Variants in CDC34 observed in about 807,000 individuals in gnomAD.
CDC34 encodes the protein ubiquitin-conjugating enzyme E2 R1.
A neutral mutation model predicts 26.8 loss-of-function variants in CDC34; 18 were observed. That is an observed-to-expected ratio of 0.67 (90% CI 0.47 to 1.00). CDC34 has a LOEUF of 1.00. CDC34 is among the 50% of genes least tolerant of loss of function. The pLI, the probability that CDC34 is intolerant of heterozygous loss-of-function variation, is 0.00. For missense variants in CDC34, 280 were observed against 334.5 expected, an observed-to-expected ratio of 0.84 and a Z score of 1.27; for synonymous variants, 178 against 147.5, an observed-to-expected ratio of 1.21 and a Z score of -1.50.
intron 4 of CDC34, among the ~76,000 whole-genome samples, chr19:539,902 C>A (rs565181219): frequency 3.9e-5 from 6 of 152,258 alleles, no homozygotes; most frequent in Admixed American, 2.6e-4. Context: ...CGGGTGTACA[C>A]GGTGCCCTCC....
At chr19:535,952 C>T (rs773463608) in intron 2 of CDC34, 29 bp downstream of exon 2, 2 of 1,592,732 alleles carry the variant, frequency 1.3e-6, no homozygotes, top group East Asian at 2.2e-5. Context: ...GGCCTCAAGT[C>T]CTCATCCTCC....
At chr19:541,116 C>T (rs1052772951) in intron 4 of CDC34, 5 of 558,678 alleles carry the variant, frequency 8.9e-6, no homozygotes, top group African/African-American at 3.8e-5. Flanking sequence ...GCACTGCGCC[C>T]GTCCAGCCTC....
chr19:535,988 C>G (rs931674903), intron 2 of CDC34, 65 bp downstream of exon 2: 1 of 1,453,910 alleles, frequency 6.9e-7, no homozygotes. Flanking sequence ...GGGAGCCTCA[C>G]GTCCTCATCC....
chr19:532,245 C>T, intron 1 of CDC34, 137 bp downstream of exon 1: 1 of 607,260 alleles, frequency 1.6e-6, no homozygotes, highest in Non-Finnish European at 2.6e-6. Context: ...CGTTTCCCTT[C>T]TATGGCCACG....
intron 1 of CDC34, among the ~76,000 whole-genome samples, chr19:532,503 G>C (rs2145844368): frequency 6.6e-6 from 1 of 152,314 alleles, no homozygotes; most frequent in East Asian, 1.9e-4. Context: ...GAAAGAGGGA[G>C]CGGAGCCCAG....
At chr19:536,795 A>C in intron 3 of CDC34, 1 of 597,744 alleles carries the variant, frequency 1.7e-6, no homozygotes. Flanking sequence ...AGGGGTCTGC[A>C]CCTTGCTGCC....
At chr19:538,511 G>GT (rs1979864887) in intron 4 of CDC34, among the ~76,000 whole-genome samples, 1 of 146,196 alleles carries the variant, frequency 6.8e-6, no homozygotes, top group South Asian at 2.2e-4. Context: ...TGCTCTTCCT[G>GT]TTACATAGAG....
intron 1 of CDC34, among the ~76,000 whole-genome samples, chr19:535,574 C>T (rs1187139200): frequency 1.3e-5 from 2 of 152,232 alleles, no homozygotes; most frequent in East Asian, 3.9e-4. Flanking sequence ...CCACGTTCCC[C>T]AGCAGTTGTG....
At chr19:537,240 G>A in intron 4 of CDC34, 93 bp downstream of exon 4, 1 of 1,459,012 alleles carries the variant, frequency 6.9e-7, no homozygotes, top group Non-Finnish European at 9.4e-7. Flanking sequence ...CCACCTTCCT[G>A]GTGAGGGTGG....
chr19:535,881 C>A lies in CDC34; in HGVS notation c.222C>A (p.Ala74=). ...TCGACTACCCATACTCTCCACCAGC[C>A]TTTCGGTTCCTGACCAAGATGTGGC... The part of the protein sequence containing the change: ...FPIDYPYSPP[A]FRFLTKMWHP... Residue 74 remains alanine (A), a synonymous_variant, in exon 2 of 5, where the codon GCC becomes GCA. Coordinates refer to ENST00000215574, the MANE Select transcript of CDC34 (RefSeq NM_004359.2). 6.2e-7 allele frequency: 1 copy of A among 1,614,006 alleles called. No homozygotes were observed. Among genetic ancestry groups the A allele is most frequent in the East Asian group, 2.2e-5 (1 of 44,880 alleles).
rs1979920436 is a variant in CDC34 at position 539,618 on chromosome 19, A to T, written c.498-1721A>T. Among the ~76,000 whole-genome samples, 3 of 151,934 alleles carry T rather than the reference A, an allele frequency of 2.0e-5. 1 individual carries two copies. The South Asian group carries it at 6.2e-4, about 32-fold the overall frequency. On this transcript the variant is annotated intron_variant, in intron 4 of 4. Coordinates refer to ENST00000215574, the MANE Select transcript of CDC34 (RefSeq NM_004359.2). ...CTCCCTGGTGCCCTCCCATGCGGGC[A>T]CTGTGGGACCCGCACACCCTGGTAG...
intron 4 of CDC34, chr19:538,900 T>C: frequency 1.0e-6 from 1 of 985,244 alleles, no homozygotes; most frequent in Middle Eastern, 5.2e-4. Context: ...ATGTCCTCGG[T>C]GGCCCCGGTC....
chr19:537,642 G>A (rs1164182717), intron 4 of CDC34, among the ~76,000 whole-genome samples: 6 of 133,158 alleles, frequency 4.5e-5, no homozygotes, highest in South Asian at 2.4e-4. Context: ...GTGAGCCACC[G>A]CGGCCGGCCT....
chr19:531,854 C>T lies in CDC34; in HGVS notation c.-78C>T, dbSNP rs1979501264. The T allele has an allele frequency of 1.6e-5, 15 of 950,420 alleles. No homozygotes were observed. The highest frequency in any genetic ancestry group is 1.9e-5 in the Non-Finnish European group (14 of 750,230). The allele number at this position is 950,420 out of a possible 1,614,324, so 58.9% of individuals were successfully genotyped here. Reference sequence around the variant, plus strand: ...CGGTGGCTCCCCCCCGGACGGTGCGCGGCCCGGCCCGTCTCGCGAACTCGC... The same window carrying T: ...CGGTGGCTCCCCCCCGGACGGTGCGTGGCCCGGCCCGTCTCGCGAACTCGC... On this transcript the variant is annotated 5_prime_UTR_variant, in exon 1 of 5. Coordinates refer to ENST00000215574, the MANE Select transcript of CDC34 (RefSeq NM_004359.2).
At chr19:536,911 C>T in intron 3 of CDC34, 102 bp from the exon 4 acceptor site, 1 of 1,379,806 alleles carries the variant, frequency 7.2e-7, no homozygotes. Context: ...TGAAGGTCAC[C>T]TGCTGGGTGG....
At chr19:532,216 A>G in intron 1 of CDC34, 108 bp downstream of exon 1, 1 of 886,956 alleles carries the variant, frequency 1.1e-6, no homozygotes, top group Non-Finnish European at 1.6e-6. Context: ...GCGGGCCCCG[A>G]AGCCTCCTGG....
At chr19:533,808 C>T (rs1481072564) in intron 1 of CDC34, among the ~76,000 whole-genome samples, 1 of 152,188 alleles carries the variant, frequency 6.6e-6, no homozygotes, top group Non-Finnish European at 1.5e-5. Context: ...AGTGTTGAGA[C>T]GGGGGTGCTG....
intron 3 of CDC34, chr19:536,774 G>A (rs975135526): frequency 3.1e-5 from 18 of 574,340 alleles, no homozygotes; most frequent in South Asian, 6.0e-5. Context: ...GGGCAGCCCC[G>A]GGTCTGACGG....
At position 537,028 on chromosome 19, in the gene CDC34, T is replaced by C. The variant is rs1486863191; in HGVS notation, c.378T>C (p.Ser126=). 2 of 1,613,560 alleles carry C rather than the reference T, an allele frequency of 1.2e-6. No homozygotes were observed. Among genetic ancestry groups the C allele is most frequent in the East Asian group, 2.2e-5 (1 of 44,878 alleles). The change falls in exon 4 of 5, where the codon AGT becomes AGC. Residue 126 remains serine, a synonymous_variant. Coordinates refer to ENST00000215574, the MANE Select transcript of CDC34 (RefSeq NM_004359.2). ...PTQNVRTILL[S]VISLLNEPNT... The stretch of plus-strand genomic sequence containing the variant: ...CTCCCCACAGGACCATTCTCCTGAG[T>C]GTGATCTCCCTCCTGAACGAGCCCA...
Sources: allele counts gnomAD v4.1 joint callset (sites outside exome capture counted in the v4.1 genomes callset), GRCh38; gene constraint gnomAD v4.1.1; transcripts MANE v1.5; gene names NCBI Gene and HGNC (gene_info 2026-07-23, HGNC 2026-07-21).